The following PRKG1 variants were observed in gnomAD, a reference collection of about 807,000 sequenced individuals.
PRKG1 encodes the protein cGMP-dependent protein kinase 1.
A neutral mutation model predicts 88.1 loss-of-function variants in PRKG1; 35 were observed. The ratio of observed to expected loss-of-function variants is 0.40; its 90% CI spans 0.30 to 0.53. The LOEUF (loss-of-function observed/expected upper bound fraction) is 0.53. Ranked by LOEUF, PRKG1 falls within the 20% of genes least tolerant of loss-of-function variation. The pLI is 0.59. For synonymous variants in PRKG1, 303 were observed against 292.5 expected (o/e 1.04, Z -0.37); for missense variants, 540 against 839.8 (o/e 0.64, Z 4.41).
chr10:52,217,450 A>T (rs35166304), intron 9 of PRKG1, among the ~76,000 whole-genome samples: 6,857 of 152,182 alleles, frequency 0.045, 206 homozygotes, highest in Non-Finnish European at 0.071. Flanking sequence ...CTCATAGTCT[A>T]GGAACTAAAG....
intron 1 of PRKG1, among the ~76,000 whole-genome samples, chr10:51,138,000 G>A (rs769318878): frequency 1.3e-5 from 2 of 152,194 alleles, no homozygotes; most frequent in South Asian, 4.1e-4. Context: ...ACTTTCACTA[G>A]GAGGGGAGGT....
intron 7 of PRKG1, among the ~76,000 whole-genome samples, chr10:52,117,439 G>A (rs1294862420): frequency 1.3e-5 from 2 of 151,772 alleles, no homozygotes; most frequent in Admixed American, 1.3e-4. Flanking sequence ...AATTACACTG[G>A]GCCAGCATAA....
At chr10:51,571,276 T>G (rs1481679542) in intron 3 of PRKG1, among the ~76,000 whole-genome samples, 4 of 151,912 alleles carry the variant, frequency 2.6e-5, no homozygotes, top group Non-Finnish European at 5.9e-5. Flanking sequence ...AAAAGTAGTT[T>G]ATTGAAAACA....
intron 2 of PRKG1, among the ~76,000 whole-genome samples, chr10:51,235,782 C>A (rs7085126): frequency 0.043 from 6,611 of 152,098 alleles, 187 homozygotes; most frequent in Middle Eastern, 0.092. Context: ...ATTATATACA[C>A]ATACCTCTAA....
At chr10:52,094,846 A>T (rs1847138087) in intron 7 of PRKG1, among the ~76,000 whole-genome samples, 1 of 152,074 alleles carries the variant, frequency 6.6e-6, no homozygotes, top group Non-Finnish European at 1.5e-5. Flanking sequence ...ACCTCCCAAG[A>T]CCCCATCTCC....
chr10:51,360,838 T>G (rs1418395521), intron 2 of PRKG1, among the ~76,000 whole-genome samples: 1 of 151,902 alleles, frequency 6.6e-6, no homozygotes, highest in Non-Finnish European at 1.5e-5. Flanking sequence ...CATGATAAGC[T>G]ATGGCCATAG....
At chr10:51,433,060 A>G (rs1001309955) in intron 2 of PRKG1, among the ~76,000 whole-genome samples, 1 of 152,184 alleles carries the variant, frequency 6.6e-6, no homozygotes, top group Non-Finnish European at 1.5e-5. Flanking sequence ...TTATGAGCTA[A>G]GAGAACATAG....
At chr10:51,871,248 C>T (rs896775302) in intron 4 of PRKG1, among the ~76,000 whole-genome samples, 3 of 152,138 alleles carry the variant, frequency 2.0e-5, no homozygotes, top group Non-Finnish European at 4.4e-5. Flanking sequence ...ATGGTAGTAA[C>T]CATGAGTTTA....
chr10:51,183,380 T>G (rs1837401642), intron 2 of PRKG1, among the ~76,000 whole-genome samples: 1 of 152,200 alleles, frequency 6.6e-6, no homozygotes, highest in African/African-American at 2.4e-5. Context: ...GCTAATTAGC[T>G]AGTACCCTGG....
intron 2 of PRKG1, among the ~76,000 whole-genome samples, chr10:51,299,143 G>A (rs1008679754): frequency 1.3e-5 from 2 of 152,028 alleles, no homozygotes; most frequent in African/African-American, 4.8e-5. Flanking sequence ...TTTTGCCTTT[G>A]ATGAATTTAT....
At chr10:52,244,917 T>G (rs1840983664) in intron 9 of PRKG1, among the ~76,000 whole-genome samples, 1 of 144,418 alleles carries the variant, frequency 6.9e-6, no homozygotes, top group Non-Finnish European at 1.5e-5. Flanking sequence ...TTAAAATATA[T>G]ATATATTTAA....
intron 9 of PRKG1, among the ~76,000 whole-genome samples, chr10:52,167,028 A>G (rs532979447): frequency 1.3e-5 from 2 of 151,860 alleles, no homozygotes; most frequent in African/African-American, 4.8e-5. Context: ...TTTCAATTTT[A>G]TATCTTGCTT....
intron 3 of PRKG1, among the ~76,000 whole-genome samples, chr10:51,570,212 G>A (rs1489904884): frequency 6.6e-6 from 1 of 151,468 alleles, no homozygotes; most frequent in East Asian, 1.9e-4. Context: ...CCGCACAGCT[G>A]AACATCCACG....
At chr10:51,400,608 A>C (rs912427978) in intron 2 of PRKG1, among the ~76,000 whole-genome samples, 1 of 152,228 alleles carries the variant, frequency 6.6e-6, no homozygotes, top group African/African-American at 2.4e-5. Context: ...GGATTCAGTA[A>C]ACAAATTGTA....
chr10:51,331,761 G>A (rs916775173), intron 2 of PRKG1, among the ~76,000 whole-genome samples: 4 of 152,224 alleles, frequency 2.6e-5, no homozygotes, highest in African/African-American at 9.6e-5. Flanking sequence ...TCACTGGAGA[G>A]TTCCACTCCA....
chr10:51,083,379 G>C (rs1844163018), intron 1 of PRKG1, among the ~76,000 whole-genome samples: 1 of 152,226 alleles, frequency 6.6e-6, no homozygotes, highest in South Asian at 2.1e-4. Flanking sequence ...TCTGTGGCCA[G>C]ATAGTTTCTT....
Position 51,163,553 on chromosome 10 carries a change from C to T in PRKG1, c.478+10223C>T, listed in dbSNP as rs115738708. Among the ~76,000 whole-genome samples, 744 of 152,208 alleles carry T rather than the reference C, an allele frequency of 4.9e-3. 9 individuals are homozygous for T. The highest frequency in any genetic ancestry group is 0.017 in the African/African-American group (688 of 41,542). On this transcript the variant is annotated intron_variant, in intron 2 of 17. Coordinates refer to ENST00000373980, the MANE Select transcript of PRKG1 (RefSeq NM_006258.4). ...ACAATGGGCGCAAGACAGTGGGTGC[C>T]GCGCACCCGCACCATGTGCGAGCCG...
At position 51,045,545 on chromosome 10, in the gene PRKG1, C is replaced by T. The variant is rs1843478733; in HGVS notation, c.266+53901C>T. 2.6e-5 allele frequency among the ~76,000 whole-genome samples: 4 copies of T among 152,028 alleles called. No homozygotes were observed. The South Asian group carries it at 6.2e-4, about 24-fold the overall frequency. On this transcript the variant is annotated intron_variant, in intron 1 of 17. Coordinates refer to the PRKG1 transcript ENST00000401604. ...TTTACCATGTTGGCCAGGCTGGTCTCGAACTCTTGACCTCTGGTGATCCGC... is the reference window on the plus strand; with the variant it reads ...TTTACCATGTTGGCCAGGCTGGTCTTGAACTCTTGACCTCTGGTGATCCGC...
intron 2 of PRKG1, among the ~76,000 whole-genome samples, chr10:51,361,700 T>C (rs560615925): frequency 1.1e-3 from 167 of 151,938 alleles, no homozygotes; most frequent in African/African-American, 3.5e-3. Flanking sequence ...TATTAGCCAC[T>C]GCTTGTTCTT....
Sources: gnomAD v4.1 joint callset for allele counts (sites outside exome capture counted in the v4.1 genomes callset) on GRCh38, gnomAD v4.1.1 for gene constraint, MANE v1.5 for transcripts, NCBI Gene and HGNC (gene_info 2026-07-23, HGNC 2026-07-21) for gene names.